NTRK3: variants seen among roughly 807,000 people sequenced by gnomAD.
NTRK3 encodes the protein neurotrophic receptor tyrosine kinase 3.
A neutral mutation model predicts 91.7 loss-of-function variants in NTRK3; 24 were observed. The observed-to-expected ratio is 0.26, with a 90% CI of 0.19 to 0.37. The LOEUF is 0.37. Among genes scored for constraint, NTRK3 ranks in the 10% least tolerant of loss-of-function variants. The probability of loss-of-function intolerance (pLI) is 1.00; values close to 1 mark genes in which losing one functional copy is unlikely to be tolerated. For synonymous variants in NTRK3, 483 were observed against 404.0 expected (o/e 1.20, Z -2.34); for missense variants, 880 against 1,068.9 (o/e 0.82, Z 2.46).
At chr15:87,884,821 C>T (rs2065446222) in intron 17 of NTRK3, among the ~76,000 whole-genome samples, 1 of 151,756 alleles carries the variant, frequency 6.6e-6, no homozygotes, top group African/African-American at 2.4e-5. Flanking sequence ...AAGGTAACTT[C>T]CTTTATTAAA....
intron 17 of NTRK3, among the ~76,000 whole-genome samples, chr15:87,891,313 A>G (rs2065849452): frequency 6.6e-6 from 1 of 152,202 alleles, no homozygotes; most frequent in Non-Finnish European, 1.5e-5. Context: ...CCAGTGTAAT[A>G]CACAATTAGG....
chr15:88,184,859 G>A (rs1009873744), intron 3 of NTRK3, among the ~76,000 whole-genome samples: 2 of 152,142 alleles, frequency 1.3e-5, no homozygotes, highest in Non-Finnish European at 2.9e-5. Flanking sequence ...ATCCCTCCTG[G>A]AGCTCAAAAA....
At chr15:88,211,427 G>T (rs2049237436) in intron 3 of NTRK3, among the ~76,000 whole-genome samples, 1 of 152,224 alleles carries the variant, frequency 6.6e-6, no homozygotes, top group African/African-American at 2.4e-5. Flanking sequence ...ACATTTTGGA[G>T]TGTTTCCACC....
chr15:88,130,587 C>G lies in NTRK3; in HGVS notation c.1205-1853G>C, dbSNP rs373531505. Among the ~76,000 whole-genome samples, 16 of 152,182 alleles carry G rather than the reference C, an allele frequency of 1.1e-4. No homozygotes were observed. The East Asian group carries it at 2.5e-3, about 24-fold the overall frequency. On this transcript the variant is annotated intron_variant, in intron 10 of 18. Transcript: ENST00000394480. ...CATCACGCGCCCCCGAAACGATGCACTGAGAGGGCAGAGCATCACTTCTGC... is the reference window on the plus strand; with the variant it reads ...CATCACGCGCCCCCGAAACGATGCAGTGAGAGGGCAGAGCATCACTTCTGC...
At chr15:87,898,253 G>C (rs1311101207) in intron 17 of NTRK3, among the ~76,000 whole-genome samples, 2 of 152,216 alleles carry the variant, frequency 1.3e-5, no homozygotes, top group African/African-American at 4.8e-5. Flanking sequence ...TGATATGCCA[G>C]CCAGTCAGCA....
chr15:87,953,524 C>T (rs1440475272), intron 14 of NTRK3, among the ~76,000 whole-genome samples: 10 of 152,204 alleles, frequency 6.6e-5, no homozygotes, highest in African/African-American at 2.2e-4. Flanking sequence ...CTGGGACTGA[C>T]GGTCAGTGGA....
intron 14 of NTRK3, among the ~76,000 whole-genome samples, chr15:87,974,362 G>A (rs2073529726): frequency 6.6e-6 from 1 of 152,200 alleles, no homozygotes; most frequent in African/African-American, 2.4e-5. Context: ...GGACATATCA[G>A]GAGGTCTTTG....
intron 3 of NTRK3, among the ~76,000 whole-genome samples, chr15:88,220,620 T>C (rs1005415904): frequency 3.3e-5 from 5 of 152,194 alleles, no homozygotes; most frequent in African/African-American, 9.6e-5. Flanking sequence ...TTGGGAAATG[T>C]TGGCAAGAGG....
At chr15:88,207,010 C>A (rs1318572333) in intron 3 of NTRK3, among the ~76,000 whole-genome samples, 2 of 152,206 alleles carry the variant, frequency 1.3e-5, no homozygotes, top group Non-Finnish European at 2.9e-5. Flanking sequence ...TACCCAGAAC[C>A]TTCTGTTCCT....
chr15:88,135,083 C>T lies in NTRK3; in HGVS notation c.1204+18G>A, dbSNP rs752771474. 1 of 1,614,186 alleles carries T rather than the reference C, an allele frequency of 6.2e-7. No individual in the cohort carries two copies. The highest frequency in any genetic ancestry group is 1.1e-5 in the South Asian group (1 of 91,082). ...AGAAAGAATCCATACACCTCCGATC[C>T]AGCTACGCTGCCCTCACCTGGAAAG... On this transcript the variant is annotated intron_variant, in intron 10 of 18. Transcript: ENST00000394480.
chr15:87,910,987 T>C (rs990592360), intron 17 of NTRK3, among the ~76,000 whole-genome samples: 3 of 152,140 alleles, frequency 2.0e-5, no homozygotes, highest in Non-Finnish European at 2.9e-5. Context: ...AGATGAAAAG[T>C]ACTTATTTCA....
At chr15:87,956,737 AT>A (rs2071704038) in intron 14 of NTRK3, among the ~76,000 whole-genome samples, 1 of 149,128 alleles carries the variant, frequency 6.7e-6, no homozygotes, top group Non-Finnish European at 1.5e-5. Flanking sequence ...TGCCTGGCTA[AT>A]TTTTGTATTT....
intron 10 of NTRK3, among the ~76,000 whole-genome samples, chr15:88,131,289 G>A (rs924994203): frequency 1.3e-5 from 2 of 152,140 alleles, no homozygotes; most frequent in Admixed American, 6.5e-5. Context: ...CACTCATTGC[G>A]GGCCCTCACA....
At chr15:88,101,499 C>G (rs1354320907) in intron 13 of NTRK3, among the ~76,000 whole-genome samples, 3 of 152,222 alleles carry the variant, frequency 2.0e-5, no homozygotes, top group African/African-American at 7.2e-5. Context: ...CCATTTGACC[C>G]AGCCATCCCA....
At chr15:88,055,729 C>T (rs1379653050) in intron 13 of NTRK3, among the ~76,000 whole-genome samples, 1 of 152,144 alleles carries the variant, frequency 6.6e-6, no homozygotes, top group Non-Finnish European at 1.5e-5. Context: ...AGTGTATTCA[C>T]CCAATACTGA....
intron 14 of NTRK3, among the ~76,000 whole-genome samples, chr15:87,987,896 TAATAAA>T (rs2074963681): frequency 1.3e-5 from 2 of 151,508 alleles, no homozygotes; most frequent in South Asian, 4.2e-4. Flanking sequence ...ATAATAATAA[TAATAAA>T]TATAAGATAA....
intron 17 of NTRK3, among the ~76,000 whole-genome samples, chr15:87,920,133 G>A (rs2067756204): frequency 6.6e-6 from 1 of 152,172 alleles, no homozygotes. Flanking sequence ...CTAAATCTCA[G>A]CCCTGTCCCT....
chr15:87,881,467 T>C (rs982672541), intron 17 of NTRK3, among the ~76,000 whole-genome samples: 1 of 152,128 alleles, frequency 6.6e-6, no homozygotes, highest in Non-Finnish European at 1.5e-5. Flanking sequence ...TCACCCAAGC[T>C]GGAGTGCAGT....
intron 17 of NTRK3, among the ~76,000 whole-genome samples, chr15:87,910,775 C>A (rs1218228342): frequency 6.6e-6 from 1 of 152,074 alleles, no homozygotes. Context: ...CTGAGGCATT[C>A]AACAAGAATA....
Sources: allele counts gnomAD v4.1 joint callset (sites outside exome capture counted in the v4.1 genomes callset), GRCh38; gene constraint gnomAD v4.1.1; transcripts MANE v1.5; gene names NCBI Gene and HGNC (gene_info 2026-07-23, HGNC 2026-07-21).